ARL15: variants seen among roughly 807,000 people sequenced by gnomAD.
ARL15 encodes ADP-ribosylation factor-like protein 15.
ARL15 carries 19 observed loss-of-function variants against 25.2 expected under a neutral mutation model. That is an observed-to-expected ratio of 0.75 (90% CI 0.53 to 1.10). The LOEUF is 1.10. ARL15 is among the 50% of genes least tolerant of loss of function. The pLI, the probability that ARL15 is intolerant of heterozygous loss-of-function variation, is 0.00. For missense variants in ARL15, 220 were observed against 246.0 expected, an observed-to-expected ratio of 0.89 and a Z score of 0.71; for synonymous variants, 94 against 86.8, an observed-to-expected ratio of 1.08 and a Z score of -0.46.
At chr5:54,065,731 G>C (rs1464687356) in intron 4 of ARL15, among the ~76,000 whole-genome samples, 1 of 152,064 alleles carries the variant, frequency 6.6e-6, no homozygotes, top group Non-Finnish European at 1.5e-5. Context: ...AACAAATTGA[G>C]ATGTGCTATA....
intron 1 of ARL15, among the ~76,000 whole-genome samples, chr5:54,237,500 AAT>A (rs1261165861): frequency 6.6e-6 from 1 of 152,230 alleles, no homozygotes; most frequent in East Asian, 1.9e-4. Flanking sequence ...CAGGTAGATC[AAT>A]ATAGACACCA....
chr5:54,252,603 AG>A (rs1427450731), intron 1 of ARL15, among the ~76,000 whole-genome samples: 1 of 152,200 alleles, frequency 6.6e-6, no homozygotes, highest in African/African-American at 2.4e-5. Context: ...GATGTCTAAA[AG>A]GAAGAAGCTG....
intron 4 of ARL15, among the ~76,000 whole-genome samples, chr5:54,107,308 C>T (rs1752620059): frequency 6.6e-6 from 1 of 152,094 alleles, no homozygotes; most frequent in Admixed American, 6.6e-5. Context: ...GGGGCACAGC[C>T]AAACTACATC....
At position 54,059,279 on chromosome 5, in the gene ARL15, T is replaced by C. The variant is rs182382226; in HGVS notation, c.462+53923A>G. Among the ~76,000 whole-genome samples, 25 of 152,356 alleles carry C rather than the reference T, an allele frequency of 1.6e-4. No individual in the cohort carries two copies. In the East Asian group the frequency reaches 4.4e-3, roughly 27 times the overall value. Reference sequence around the variant, plus strand: ...AGCAGGCTTAAAAGGCTCATCAGTCTAGAACACTCTTGTCTGATTAGGGCC... The same window carrying C: ...AGCAGGCTTAAAAGGCTCATCAGTCCAGAACACTCTTGTCTGATTAGGGCC... On this transcript the variant is annotated intron_variant, in intron 4 of 4. Coordinates refer to ENST00000504924, the MANE Select transcript of ARL15 (RefSeq NM_019087.3).
chr5:53,910,002 T>G (rs1745400864), intron 4 of ARL15, among the ~76,000 whole-genome samples: 1 of 152,216 alleles, frequency 6.6e-6, no homozygotes, highest in Non-Finnish European at 1.5e-5. Context: ...CTAAGCACTT[T>G]GGGGATTTAA....
At chr5:53,976,650 C>G (rs1000915740) in intron 4 of ARL15, among the ~76,000 whole-genome samples, 1 of 152,166 alleles carries the variant, frequency 6.6e-6, no homozygotes, top group Non-Finnish European at 1.5e-5. Context: ...TGATATGGGA[C>G]AAACAGGAAG....
chr5:54,233,917 A>G (rs1024041588), intron 1 of ARL15, among the ~76,000 whole-genome samples: 2 of 152,212 alleles, frequency 1.3e-5, no homozygotes, highest in Non-Finnish European at 2.9e-5. Flanking sequence ...GAGGTAAAAC[A>G]ATGCCATTTT....
chr5:54,159,894 T>C (rs1020751725), intron 2 of ARL15, among the ~76,000 whole-genome samples: 4 of 152,224 alleles, frequency 2.6e-5, no homozygotes, highest in African/African-American at 9.6e-5. Context: ...TTCCTGGAAT[T>C]GTAACAAAAT....
chr5:54,097,723 G>T (rs1230768265), intron 4 of ARL15, among the ~76,000 whole-genome samples: 7 of 152,182 alleles, frequency 4.6e-5, no homozygotes, highest in Non-Finnish European at 8.8e-5. Flanking sequence ...AGGAGTAAAA[G>T]AAGAATAAGA....
chr5:54,217,072 T>C (rs953588228), intron 1 of ARL15, among the ~76,000 whole-genome samples: 7 of 152,096 alleles, frequency 4.6e-5, no homozygotes, highest in African/African-American at 1.7e-4. Context: ...GAAAACGAGA[T>C]AAACAGTTAA....
intron 4 of ARL15, among the ~76,000 whole-genome samples, chr5:54,097,740 A>C (rs1752330780): frequency 6.6e-6 from 1 of 152,210 alleles, no homozygotes; most frequent in African/African-American, 2.4e-5. Context: ...AAGATGTAAA[A>C]TATACTCATT....
At chr5:54,082,544 C>A (rs1187797872) in intron 4 of ARL15, among the ~76,000 whole-genome samples, 1 of 152,154 alleles carries the variant, frequency 6.6e-6, no homozygotes, top group African/African-American at 2.4e-5. Context: ...TCTCTTGTGA[C>A]TGCAAGTTGA....
intron 1 of ARL15, among the ~76,000 whole-genome samples, chr5:54,250,434 A>G (rs1282170573): frequency 1.3e-5 from 2 of 152,220 alleles, no homozygotes; most frequent in Non-Finnish European, 2.9e-5. Context: ...ATTGGAGAAC[A>G]GGAAAGAGAT....
intron 3 of ARL15, among the ~76,000 whole-genome samples, chr5:54,123,191 C>T (rs1350541852): frequency 6.6e-6 from 1 of 151,636 alleles, no homozygotes; most frequent in Non-Finnish European, 1.5e-5. Flanking sequence ...CTCACTGCAA[C>T]CTCTGCCTCC....
chr5:54,028,959 CT>C, intron 4 of ARL15, among the ~76,000 whole-genome samples: 1 of 152,070 alleles, frequency 6.6e-6, no homozygotes, highest in Non-Finnish European at 1.5e-5. Context: ...GAAGTCAAGG[CT>C]TAAGGCGGCA....
chr5:54,259,956 TACAG>T (rs1207445054), intron 1 of ARL15, among the ~76,000 whole-genome samples: 1 of 152,288 alleles, frequency 6.6e-6, no homozygotes, highest in African/African-American at 2.4e-5. Context: ...ATTCTGTGAA[TACAG>T]ACAAACAGGA....
In ARL15 at chr5:54,027,320, C is replaced by G. The variant is rs139311406; in HGVS notation, c.462+85882G>C. On this transcript the variant is annotated intron_variant, in intron 4 of 4. Transcript: ENST00000504924. ...AGAAAGTTTTTGAAAAAAATTACAT[C>G]AAGTCTTGTCTTAACCAGTCGGAAG... Among the ~76,000 whole-genome samples, 8 of 152,300 alleles carry G rather than the reference C, an allele frequency of 5.3e-5. No homozygotes were observed. The East Asian group carries it at 1.5e-3, about 29-fold the overall frequency.
At chr5:54,266,948 A>G (rs1247564518) in intron 1 of ARL15, among the ~76,000 whole-genome samples, 3 of 152,238 alleles carry the variant, frequency 2.0e-5, no homozygotes, top group Non-Finnish European at 4.4e-5. Context: ...GGCAGACAAA[A>G]AGTAATTTCC....
At chr5:54,038,168 C>T (rs531392179) in intron 4 of ARL15, among the ~76,000 whole-genome samples, 2 of 152,056 alleles carry the variant, frequency 1.3e-5, no homozygotes, top group African/African-American at 4.8e-5. Flanking sequence ...TTGCTAATTC[C>T]TAAAAAGTTT....
Sources: allele counts gnomAD v4.1 joint callset (sites outside exome capture counted in the v4.1 genomes callset), GRCh38; gene constraint gnomAD v4.1.1; transcripts MANE v1.5; gene names NCBI Gene and HGNC (gene_info 2026-07-23, HGNC 2026-07-21).